The following CHLSN variants were observed in gnomAD, a reference collection of about 807,000 sequenced individuals.
CHLSN encodes cholesin, also known as protein cholesin.
At chr7:1,093,306 A>G in the CHLSN span, 2 of 427,292 alleles carry the variant, frequency 4.7e-6, no homozygotes, top group Non-Finnish European at 9.8e-6. Context: ...TGGAGATGCA[A>G]GGTGCTGGTG....
the CHLSN span, among the ~76,000 whole-genome samples, chr7:1,008,900 A>G: frequency 1.1e-5 from 1 of 94,748 alleles, no homozygotes; most frequent in Non-Finnish European, 2.2e-5. Context: ...ACATGCACAC[A>G]CGTACACAAC....
At chr7:1,116,854 T>G in the CHLSN span, among the ~76,000 whole-genome samples, 8 of 48,906 alleles carry the variant, frequency 1.6e-4, no homozygotes, top group African/African-American at 4.6e-4. Context: ...GATGATGACA[T>G]GACTGCAGCT....
chr7:1,125,450 C>T, the CHLSN span, among the ~76,000 whole-genome samples: 54 of 152,360 alleles, frequency 3.5e-4, no homozygotes, highest in African/African-American at 1.3e-3. Context: ...ACCCTGGTGT[C>T]ACCCTGGGGA....
At chr7:1,065,846 T>C in the CHLSN span, among the ~76,000 whole-genome samples, 1 of 152,182 alleles carries the variant, frequency 6.6e-6, no homozygotes, top group Non-Finnish European at 1.5e-5. Flanking sequence ...AGATTTCAAG[T>C]GCGGGCACTT....
chr7:1,042,567 C>T, the CHLSN span, among the ~76,000 whole-genome samples: 1 of 152,256 alleles, frequency 6.6e-6, no homozygotes, highest in African/African-American at 2.4e-5. Flanking sequence ...CCAGGACACA[C>T]ACGAGCTTTC....
At chr7:1,020,711 C>T in the CHLSN span, among the ~76,000 whole-genome samples, 72 of 152,340 alleles carry the variant, frequency 4.7e-4, no homozygotes, top group Non-Finnish European at 9.1e-4. Context: ...TTCCTGTTCA[C>T]CTCTGATCTC....
chr7:994,324 C>G, the CHLSN span, among the ~76,000 whole-genome samples: 2 of 151,970 alleles, frequency 1.3e-5, no homozygotes, highest in East Asian at 3.9e-4. Flanking sequence ...CCACACCCAG[C>G]TAATTTTTGT....
the CHLSN span, among the ~76,000 whole-genome samples, chr7:1,136,369 AATAT>A: frequency 4.1e-5 from 4 of 97,432 alleles, 1 homozygote; most frequent in Non-Finnish European, 6.9e-5. Context: ...CATATATATA[AATAT>A]ATATAAATAT....
the CHLSN span, among the ~76,000 whole-genome samples, chr7:1,078,352 G>T: frequency 5.3e-5 from 8 of 152,188 alleles, no homozygotes; most frequent in East Asian, 5.8e-4. Flanking sequence ...TGCGGGGTGG[G>T]GGGGGGCTCA....
the CHLSN span, among the ~76,000 whole-genome samples, chr7:1,121,056 C>T: frequency 1.3e-5 from 2 of 151,080 alleles, no homozygotes; most frequent in East Asian, 2.0e-4. Flanking sequence ...GGATCAAAAA[C>T]GGATGGACAC....
At chr7:1,002,568 TGAGTGGAGCCCTGC>T in the CHLSN span, among the ~76,000 whole-genome samples, 1 of 43,060 alleles carries the variant, frequency 2.3e-5, no homozygotes, top group Non-Finnish European at 4.3e-5. Flanking sequence ...GTCCTGCGGG[TGAGTGGAGCCCTGC>T]GGGTGAGTGG....
At chr7:1,013,108 C>T in the CHLSN span, among the ~76,000 whole-genome samples, 1 of 151,920 alleles carries the variant, frequency 6.6e-6, no homozygotes. Context: ...CCGGGACCTG[C>T]TGCTTGCTCT....
the CHLSN span, among the ~76,000 whole-genome samples, chr7:1,070,820 C>T: frequency 9.8e-6 from 1 of 102,500 alleles, no homozygotes; most frequent in East Asian, 2.7e-4. Context: ...CACATCCACA[C>T]GTGCACACAT....
the CHLSN span, chr7:1,044,594 GCCGCCT>G: frequency 6.6e-6 from 1 of 150,858 alleles, no homozygotes; most frequent in Non-Finnish European, 1.5e-5. Flanking sequence ...CGTGAGCCCC[GCCGCCT>G]CCGCCAGCCC....
chr7:979,479 T>C, the CHLSN span, among the ~76,000 whole-genome samples: 40 of 152,214 alleles, frequency 2.6e-4, no homozygotes, highest in Non-Finnish European at 4.9e-4. Flanking sequence ...TGGCCGGGTG[T>C]GGTGGCTCAC....
At chr7:1,009,857 CCA>C in the CHLSN span, 1 of 1,132,842 alleles carries the variant, frequency 8.8e-7, no homozygotes, top group Non-Finnish European at 1.2e-6. Context: ...CTAGAACCTT[CCA>C]CACAGTGTGT....
At chr7:985,698 A>C in the CHLSN span, among the ~76,000 whole-genome samples, 2 of 152,202 alleles carry the variant, frequency 1.3e-5, no homozygotes, top group Non-Finnish European at 2.9e-5. Flanking sequence ...ACAGTGCCCC[A>C]AAACCACAAA....
chr7:1,058,797 C>T, the CHLSN span: 1 of 469,614 alleles, frequency 2.1e-6, no homozygotes, highest in Non-Finnish European at 3.9e-6. Flanking sequence ...TCAGCCTCCT[C>T]AGCATTCAGT....
chr7:1,004,873 C>T, the CHLSN span, among the ~76,000 whole-genome samples: 8 of 152,182 alleles, frequency 5.3e-5, no homozygotes, highest in African/African-American at 1.9e-4. Context: ...ATAGCGGGGG[C>T]CACGGCCACT....
Sources: allele counts gnomAD v4.1 joint callset (sites outside exome capture counted in the v4.1 genomes callset), GRCh38; gene constraint gnomAD v4.1.1; transcripts MANE v1.5; gene names NCBI Gene and HGNC (gene_info 2026-07-23, HGNC 2026-07-21).